TMEM164: variants seen among roughly 807,000 people sequenced by gnomAD.
TMEM164 encodes the protein RP13-360B22.2.
Under a neutral mutation model 18.8 loss-of-function variants are expected in TMEM164, and 4 were observed. That is an observed-to-expected ratio of 0.21 (90% confidence interval 0.10 to 0.49). TMEM164 has a LOEUF of 0.49. TMEM164 is among the 20% of genes least tolerant of loss of function. TMEM164 has a pLI of 0.98. For missense variants in TMEM164, 108 were observed against 239.9 expected, an observed-to-expected ratio of 0.45 and a Z score of 3.63; for synonymous variants, 86 against 101.7, an observed-to-expected ratio of 0.85 and a Z score of 0.93.
chrX:110,034,020 G>C (rs973865658), intron 2 of TMEM164, among the ~76,000 whole-genome samples: 1 of 111,173 alleles, frequency 9.0e-6, no homozygotes, highest in Non-Finnish European at 1.9e-5. Context: ...ATTAATACTG[G>C]GAGGAGGCCA....
intron 3 of TMEM164, among the ~76,000 whole-genome samples, chrX:110,102,995 T>C (rs1320633395): frequency 8.9e-6 from 1 of 112,702 alleles, no homozygotes; most frequent in African/African-American, 3.2e-5. Context: ...CTAATGTTTG[T>C]GGAACTAAAT....
At chrX:110,156,734 T>G (rs976914306) in intron 5 of TMEM164, among the ~76,000 whole-genome samples, 1 of 111,271 alleles carries the variant, frequency 9.0e-6, no homozygotes, top group Admixed American at 9.5e-5. Flanking sequence ...TCCTCCTAGA[T>G]GGGGTCTTCT....
intron 5 of TMEM164, among the ~76,000 whole-genome samples, chrX:110,152,704 A>C (rs751858018): frequency 9.0e-6 from 1 of 110,591 alleles, no homozygotes; most frequent in Admixed American, 9.7e-5. Flanking sequence ...CCTCCTAAAT[A>C]TCTCTCAGAC....
chrX:110,180,523 A>G (rs755447045), downstream of TMEM164, among the ~76,000 whole-genome samples: 270 of 95,806 alleles, frequency 2.8e-3, no homozygotes, highest in Non-Finnish European at 4.6e-3. Flanking sequence ...TCTGCCTCGC[A>G]TCTGAATTGC....
chrX:110,057,305 A>G (rs1043169286), intron 2 of TMEM164, among the ~76,000 whole-genome samples: 2 of 111,841 alleles, frequency 1.8e-5, no homozygotes, highest in Non-Finnish European at 3.8e-5. Flanking sequence ...CACTTAACAT[A>G]ATGTCCTTTG....
chrX:110,144,678 T>G, intron 4 of TMEM164, 120 bp from the exon 5 acceptor site: 1 of 402,165 alleles, frequency 2.5e-6, no homozygotes, highest in South Asian at 7.7e-5. Flanking sequence ...AGAAGTGAAT[T>G]GGTGAAATGC....
intron 3 of TMEM164, among the ~76,000 whole-genome samples, chrX:110,080,888 A>ATT (rs367869176): frequency 4.8e-4 from 36 of 74,543 alleles, no homozygotes; most frequent in African/African-American, 1.4e-3. Context: ...CTAGCTAATA[A>ATT]TTTTTTTTTT....
intron 3 of TMEM164, among the ~76,000 whole-genome samples, chrX:110,094,818 G>A (rs1006254722): frequency 9.8e-5 from 11 of 111,893 alleles, no homozygotes; most frequent in South Asian, 3.7e-4. Flanking sequence ...GGCTGGTACC[G>A]GTTGTTTCTT....
chrX:110,036,686 T>C (rs1021323410), intron 2 of TMEM164, among the ~76,000 whole-genome samples: 1 of 112,659 alleles, frequency 8.9e-6, no homozygotes, highest in Non-Finnish European at 1.9e-5. Flanking sequence ...CTATAAGTCC[T>C]AGTCACTCTT....
intron 5 of TMEM164, among the ~76,000 whole-genome samples, chrX:110,169,278 C>G (rs2067198770): frequency 9.0e-6 from 1 of 111,699 alleles, no homozygotes; most frequent in Non-Finnish European, 1.9e-5. Context: ...CACCATCAAC[C>G]CAGTGATACC....
intron 2 of TMEM164, among the ~76,000 whole-genome samples, chrX:110,048,189 C>T (rs1021458828): frequency 2.7e-5 from 3 of 110,334 alleles, no homozygotes; most frequent in Non-Finnish European, 5.7e-5. Flanking sequence ...CTTTAAGTTC[C>T]CTGAACGCAT....
At chrX:110,014,224 G>A (rs1185126680) in intron 2 of TMEM164, among the ~76,000 whole-genome samples, 3 of 111,367 alleles carry the variant, frequency 2.7e-5, no homozygotes, top group Non-Finnish European at 5.7e-5. Flanking sequence ...TCTCACTATG[G>A]CTGCTGCTTC....
At chrX:110,061,508 G>T (rs1250025639) in intron 2 of TMEM164, among the ~76,000 whole-genome samples, 1 of 112,063 alleles carries the variant, frequency 8.9e-6, no homozygotes, top group Non-Finnish European at 1.9e-5. Context: ...TATGGGCTTG[G>T]ATGTAGACAC....
chrX:110,062,062 G>C (rs1386857688), intron 2 of TMEM164, among the ~76,000 whole-genome samples: 3 of 112,009 alleles, frequency 2.7e-5, no homozygotes, highest in Non-Finnish European at 3.8e-5. Context: ...AAGCCATAAA[G>C]GGAATGACAA....
At chrX:110,150,845 T>C (rs187561222) in intron 5 of TMEM164, among the ~76,000 whole-genome samples, 9 of 111,716 alleles carry the variant, frequency 8.1e-5, no homozygotes, top group African/African-American at 2.9e-4. Context: ...TATTACATTG[T>C]GTGGATGATA....
chrX:110,137,246 T>A (rs1296958417), intron 4 of TMEM164, among the ~76,000 whole-genome samples: 1 of 111,386 alleles, frequency 9.0e-6, no homozygotes, highest in African/African-American at 3.3e-5. Flanking sequence ...CATCACAAAT[T>A]CAGCATGGCC....
chrX:110,149,451 G>A (rs2066909622), intron 5 of TMEM164, among the ~76,000 whole-genome samples: 1 of 111,942 alleles, frequency 8.9e-6, no homozygotes, highest in African/African-American at 3.2e-5. Context: ...TGTTGCATTG[G>A]ATGGTATTGA....
intron 5 of TMEM164, among the ~76,000 whole-genome samples, chrX:110,150,756 G>C (rs954344411): frequency 1.8e-5 from 2 of 111,665 alleles, no homozygotes; most frequent in Admixed American, 9.5e-5. Flanking sequence ...GTTTTGCTTA[G>C]CAATATTTCT....
chrX:110,173,131 A>G, intron 6 of TMEM164, 114 bp from the exon 7 acceptor site: 1 of 740,278 alleles, frequency 1.4e-6, no homozygotes, highest in Non-Finnish European at 2.0e-6. Flanking sequence ...ACAGGTGGGG[A>G]TTGGTCAATC....
Sources: allele counts gnomAD v4.1 joint callset (sites outside exome capture counted in the v4.1 genomes callset), GRCh38; gene constraint gnomAD v4.1.1; transcripts MANE v1.5; gene names NCBI Gene and HGNC (gene_info 2026-07-23, HGNC 2026-07-21).